The following RAPGEF5 variants were observed in gnomAD, a reference collection of about 807,000 sequenced individuals.
The protein encoded by RAPGEF5 is M-Ras-regulated GEF.
A neutral mutation model predicts 125.2 loss-of-function variants in RAPGEF5; 65 were observed. The ratio of observed to expected loss-of-function variants is 0.52; its 90% CI spans 0.43 to 0.64. The LOEUF is 0.64. RAPGEF5 is among the 30% of genes least tolerant of loss of function. The pLI is 0.00. For synonymous variants in RAPGEF5, 391 were observed against 385.9 expected (o/e 1.01, Z -0.16); for missense variants, 958 against 1,048.1 (o/e 0.91, Z 1.19).
In RAPGEF5 at chr7:22,125,674, G is replaced by A; in HGVS notation, c.2482-16C>T. On this transcript the variant is annotated splice_polypyrimidine_tract_variant and intron_variant, in intron 24 of 25. Transcript: ENST00000665637. ...CGATCATATGCTGTAAAGTAGAACAGGAAACACATCAATGGAAGGGTCGTT... is the reference window on the plus strand; with the variant it reads ...CGATCATATGCTGTAAAGTAGAACAAGAAACACATCAATGGAAGGGTCGTT... 1 of 1,602,744 alleles carries A rather than the reference G, an allele frequency of 6.2e-7. No homozygotes were observed.
intron 1 of RAPGEF5, among the ~76,000 whole-genome samples, chr7:22,324,712 G>A (rs566743072): frequency 1.9e-4 from 29 of 151,964 alleles, no homozygotes; most frequent in Non-Finnish European, 3.5e-4. Context: ...AAGCTGCACC[G>A]CCCCTCCATA....
chr7:22,166,220 C>G (rs2128114441), intron 12 of RAPGEF5, among the ~76,000 whole-genome samples: 1 of 151,676 alleles, frequency 6.6e-6, no homozygotes, highest in East Asian at 1.9e-4. Context: ...AGCCACGACA[C>G]CCAGCCATCA....
chr7:22,154,615 G>A lies in RAPGEF5; in HGVS notation c.1637-11C>T, dbSNP rs1783741265. On this transcript the variant is annotated splice_polypyrimidine_tract_variant and intron_variant, in intron 16 of 25. Coordinates refer to ENST00000665637, the MANE Select transcript of RAPGEF5 (RefSeq NM_012294.5). ...ACACGTGGCAGAAAACTGCACAAGT[G>A]AAAAGAATTGTTTGGAAACAGAGAA... The A allele has an allele frequency of 3.1e-6, 5 of 1,610,474 alleles. No homozygotes were observed. The highest frequency in any genetic ancestry group is 4.2e-6 in the Non-Finnish European group (5 of 1,178,130).
chr7:22,136,663 GC>G (rs1783087371), intron 22 of RAPGEF5, among the ~76,000 whole-genome samples: 1 of 152,138 alleles, frequency 6.6e-6, no homozygotes, highest in South Asian at 2.1e-4. Context: ...AATTTTGCAG[GC>G]TTTGAAATGG....
chr7:22,230,753 G>C, intron 8 of RAPGEF5, 93 bp downstream of exon 8: 1 of 1,187,788 alleles, frequency 8.4e-7, no homozygotes, highest in South Asian at 1.4e-5. Flanking sequence ...AAACATAAAA[G>C]GTAAAACCTA....
At chr7:22,239,736 A>G (rs1409171115) in intron 7 of RAPGEF5, among the ~76,000 whole-genome samples, 1 of 152,190 alleles carries the variant, frequency 6.6e-6, no homozygotes, top group Non-Finnish European at 1.5e-5. Context: ...CATTCAATGG[A>G]AAAGTTATTC....
rs148675790 is a variant in RAPGEF5, at chr7:22,233,985, C to A, written c.797-3066G>T. Among the ~76,000 whole-genome samples the A allele has an allele frequency of 9.7e-3, 1,474 of 152,274 alleles. 8 individuals carry two copies. Among genetic ancestry groups the A allele is most frequent in the Middle Eastern group, 0.024 (7 of 294 alleles). ...TAAATCTGCATAATGGACAAACTCT[C>A]AAAGTTCTGCTGGACTCAACCTCAA... On this transcript the variant is annotated intron_variant, in intron 7 of 25. Coordinates refer to ENST00000665637, the MANE Select transcript of RAPGEF5 (RefSeq NM_012294.5).
intron 12 of RAPGEF5, among the ~76,000 whole-genome samples, chr7:22,164,573 A>C (rs1392326539): frequency 2.0e-5 from 3 of 152,224 alleles, no homozygotes; most frequent in African/African-American, 7.2e-5. Context: ...CTCCATTCAT[A>C]GTTATCTGCT....
rs1274433458 is a variant in RAPGEF5, at chr7:22,145,161, C to T, written c.2069G>A (p.Ser690Asn). The T allele has an allele frequency of 1.2e-6, 2 of 1,613,588 alleles. No homozygotes were observed. The highest frequency in any genetic ancestry group is 2.2e-5 in the South Asian group (2 of 90,938). The stretch of plus-strand genomic sequence containing the variant: ...CTCATTGCATCTCTGGAGCAGAAGG[C>T]TGAGATTTGCAGTGTGTTCCCCACT... ...QGSGEHTANLSLLLQRCNEVQ... is the reference protein window; with the variant it reads ...QGSGEHTANLNLLLQRCNEVQ... The change falls in exon 20 of 26, where the codon AGC becomes AAC. Residue 690 changes from serine (S) to asparagine (N), a missense_variant. Transcript: ENST00000665637.
At chr7:22,331,945 A>G (rs1351651851) in intron 1 of RAPGEF5, among the ~76,000 whole-genome samples, 1 of 152,124 alleles carries the variant, frequency 6.6e-6, no homozygotes, top group Non-Finnish European at 1.5e-5. Context: ...TTAGAACATC[A>G]AAGTATTGTT....
At chr7:22,337,507 C>T (rs1038150567) in intron 1 of RAPGEF5, among the ~76,000 whole-genome samples, 18 of 152,152 alleles carry the variant, frequency 1.2e-4, no homozygotes, top group African/African-American at 4.1e-4. Flanking sequence ...TTCAGGACCC[C>T]CTCATAATCC....
chr7:22,248,494 C>T (rs1049227017), intron 7 of RAPGEF5, among the ~76,000 whole-genome samples: 2 of 152,210 alleles, frequency 1.3e-5, no homozygotes. Flanking sequence ...TGGAATCTGC[C>T]CCTTCCCTAA....
At chr7:22,127,728 A>G (rs1313891140) in intron 24 of RAPGEF5, among the ~76,000 whole-genome samples, 1 of 152,256 alleles carries the variant, frequency 6.6e-6, no homozygotes. Context: ...CACACTGAGC[A>G]TAGGATCACC....
intron 18 of RAPGEF5, among the ~76,000 whole-genome samples, chr7:22,150,015 AT>A (rs1368409744): frequency 6.7e-6 from 1 of 149,478 alleles, no homozygotes; most frequent in Admixed American, 6.7e-5. Flanking sequence ...AAATAATTTA[AT>A]TTTTTTAACA....
intron 5 of RAPGEF5, among the ~76,000 whole-genome samples, chr7:22,293,181 C>G (rs1782972671): frequency 2.0e-5 from 3 of 152,210 alleles, no homozygotes; most frequent in Admixed American, 2.0e-4. Flanking sequence ...AAGTATCTCT[C>G]TAGCTTCTGG....
chr7:22,329,361 A>T (rs901835425), intron 1 of RAPGEF5, among the ~76,000 whole-genome samples: 1 of 152,176 alleles, frequency 6.6e-6, no homozygotes. Flanking sequence ...CTCCAAAAGT[A>T]GATAACTAGG....
intron 9 of RAPGEF5, among the ~76,000 whole-genome samples, chr7:22,200,978 C>G (rs1350878473): frequency 2.0e-5 from 3 of 152,138 alleles, no homozygotes; most frequent in Non-Finnish European, 4.4e-5. Context: ...AAAATGCACA[C>G]TCAGCAAGGG....
At chr7:22,146,177 G>A (rs1028977917) in intron 19 of RAPGEF5, among the ~76,000 whole-genome samples, 5 of 152,048 alleles carry the variant, frequency 3.3e-5, no homozygotes, top group Admixed American at 6.6e-5. Context: ...CTCTAAATTG[G>A]GCATGAGGTT....
intron 6 of RAPGEF5, among the ~76,000 whole-genome samples, chr7:22,272,320 G>C (rs534888983): frequency 7.6e-4 from 102 of 134,660 alleles, no homozygotes; most frequent in African/African-American, 2.8e-3. Flanking sequence ...TTCAGCCTGG[G>C]CAACAGAGCA....
Sources: allele counts gnomAD v4.1 joint callset (sites outside exome capture counted in the v4.1 genomes callset), GRCh38; gene constraint gnomAD v4.1.1; transcripts MANE v1.5; gene names NCBI Gene and HGNC (gene_info 2026-07-23, HGNC 2026-07-21).